The following UPK3A variants were observed in gnomAD, a reference collection of about 807,000 sequenced individuals.
The protein encoded by UPK3A is uroplakin-3a.
A neutral mutation model predicts 27.6 loss-of-function variants in UPK3A; 32 were observed. The ratio of observed to expected loss-of-function variants is 1.16; its 90% confidence interval spans 0.87 to 1.55. The LOEUF (loss-of-function observed/expected upper bound fraction) is 1.55, where lower values mean the gene tolerates loss of function less well. Ranked by LOEUF, UPK3A falls within the 40% of genes most tolerant of loss-of-function variation. The pLI, the probability that UPK3A is intolerant of heterozygous loss-of-function variation, is 0.00. For synonymous variants in UPK3A, 171 were observed against 163.9 expected (o/e 1.04, Z -0.33); for missense variants, 370 against 367.9 (o/e 1.01, Z -0.05).
rs140488862 is a variant in UPK3A, at chr22:45,293,061, G to A, written c.572-120G>A. ...AAACCTGAGAGAAGTCGCCCCACTG[G>A]GTCCCAGGGTCATCCCTGGATCCCC... is the stretch of plus-strand genomic sequence containing the variant. On this transcript the variant is annotated intron_variant, in intron 4 of 5. Transcript: ENST00000216211. The A allele has an allele frequency of 1.5e-4, 215 of 1,465,150 alleles. No individual in the cohort carries two copies. In the African/African-American group the frequency reaches 2.5e-3, roughly 17 times the overall value. The allele number at this position is 1,465,150 out of a possible 1,614,324, so 90.8% of individuals were successfully genotyped here. A position where few individuals can be genotyped will look rare whatever the true frequency, so the allele number is the denominator to read the frequency against.
Position 45,286,115 on chromosome 22 carries a change from T to A in UPK3A, c.208+19T>A. 1 of 1,613,880 alleles carries A rather than the reference T, an allele frequency of 6.2e-7. No homozygotes were observed. Among genetic ancestry groups the A allele is most frequent in the Non-Finnish European group, 8.5e-7 (1 of 1,179,898 alleles). The stretch of plus-strand genomic sequence containing the variant: ...GACTCAGGTAAGGGTCCTGCTTCCC[T>A]CTGGCTACTCCAAAAGGGGCTCTGA... On this transcript the variant is annotated intron_variant, in intron 2 of 5. Transcript: ENST00000216211.
intron 1 of UPK3A, among the ~76,000 whole-genome samples, chr22:45,285,652 G>C (rs1478476519): frequency 1.7e-5 from 2 of 119,752 alleles, no homozygotes; most frequent in African/African-American, 2.7e-5. Flanking sequence ...GAGGAAGGTG[G>C]GACGGAGGAG....
intron 5 of UPK3A, 115 bp downstream of exon 5, chr22:45,293,428 A>G (rs569533331): frequency 1.4e-6 from 2 of 1,386,448 alleles, no homozygotes; most frequent in East Asian, 4.6e-5. Context: ...AAGGCAAGGA[A>G]GCTACCCTCT....
chr22:45,295,193 A>C (rs935543770), intron 5 of UPK3A, among the ~76,000 whole-genome samples: 2 of 151,888 alleles, frequency 1.3e-5, no homozygotes, highest in Non-Finnish European at 2.9e-5. Flanking sequence ...GGGCCACGTG[A>C]GCTGCCGCCT....
chr22:45,291,764 G>A (rs920571388), intron 4 of UPK3A, among the ~76,000 whole-genome samples: 3 of 149,848 alleles, frequency 2.0e-5, no homozygotes, highest in African/African-American at 4.9e-5. Flanking sequence ...GAGTTGGTAT[G>A]CGTGGTGTGT....
At chr22:45,293,344 C>A (rs2147798092) in intron 5 of UPK3A, 31 bp downstream of exon 5, 2 of 1,612,442 alleles carry the variant, frequency 1.2e-6, no homozygotes, top group Middle Eastern at 3.3e-4. Context: ...AGGGCTGGAC[C>A]CCAGGGACAT....
In UPK3A at chr22:45,287,335, G is replaced by C; in HGVS notation, c.372G>C (p.Lys124Asn). 1 of 1,614,168 alleles carries C rather than the reference G, an allele frequency of 6.2e-7. No individual in the cohort carries two copies. ...TGGATGCCATTGGGGATGTGTCCAA[G>C]GCCTCACAGATCCTGAATGCCTACC... ...PSLDAIGDVS[K>N]ASQILNAYLV... The change falls in exon 3 of 6, where the codon AAG (lysine) becomes AAC (asparagine). Residue 124 changes from lysine to asparagine, a missense_variant. Coordinates refer to ENST00000216211, the MANE Select transcript of UPK3A (RefSeq NM_006953.4).
chr22:45,287,475 G>A, intron 3 of UPK3A, 24 bp downstream of exon 3: 1 of 1,568,640 alleles, frequency 6.4e-7, no homozygotes, highest in Non-Finnish European at 8.6e-7. Flanking sequence ...AACCACTACA[G>A]GAGAGCCGCG....
chr22:45,293,055 C>G, intron 4 of UPK3A, 126 bp from the exon 5 acceptor site: 1 of 1,406,466 alleles, frequency 7.1e-7, no homozygotes, highest in Non-Finnish European at 9.8e-7. Context: ...AGAAGTCGCC[C>G]CACTGGGTCC....
chr22:45,290,233 G>A (rs1457358109), intron 4 of UPK3A, among the ~76,000 whole-genome samples: 3 of 152,124 alleles, frequency 2.0e-5, no homozygotes, highest in Non-Finnish European at 4.4e-5. Context: ...TGGTAATTTT[G>A]GGCAAATGAT....
At chr22:45,293,390 G>T (rs2084175285) in intron 5 of UPK3A, 77 bp downstream of exon 5, 3 of 1,589,638 alleles carry the variant, frequency 1.9e-6, no homozygotes, top group East Asian at 2.2e-5. Context: ...CTCAGCAGTG[G>T]GGTCCTCCGA....
At chr22:45,289,598 A>G (rs1379931166) in intron 4 of UPK3A, among the ~76,000 whole-genome samples, 1 of 150,494 alleles carries the variant, frequency 6.6e-6, no homozygotes, top group African/African-American at 2.4e-5. Context: ...AAAAAAGAAA[A>G]AAAAAATTAG....
At position 45,287,856 on chromosome 22, in the gene UPK3A, G is replaced by C. The variant is rs144272866; in HGVS notation, c.488+405G>C. ...TTTTTGTGTTTTTAGTACAGATGGGGTTTCATCATGTTGGTCAAGCTGGTC... is the reference window on the plus strand; with the variant it reads ...TTTTTGTGTTTTTAGTACAGATGGGCTTTCATCATGTTGGTCAAGCTGGTC... On this transcript the variant is annotated intron_variant, in intron 3 of 5. Coordinates refer to ENST00000216211, the MANE Select transcript of UPK3A (RefSeq NM_006953.4). 8.5e-3 allele frequency among the ~76,000 whole-genome samples: 1,294 copies of C among 152,170 alleles called. 22 individuals are homozygous for C. Among genetic ancestry groups the C allele is most frequent in the African/African-American group, 0.03 (1,226 of 41,508 alleles).
Position 45,285,938 on chromosome 22 carries a change from C to T in UPK3A, c.53-3C>T, listed in dbSNP as rs748157391. 18 of 1,613,898 alleles carry T rather than the reference C, an allele frequency of 1.1e-5. No individual in the cohort carries two copies. The highest frequency in any genetic ancestry group is 1.5e-5 in the Non-Finnish European group (18 of 1,179,982). On this transcript the variant is annotated splice_region_variant and splice_polypyrimidine_tract_variant and intron_variant, in intron 1 of 5. Transcript: ENST00000216211. The stretch of plus-strand genomic sequence containing the variant: ...CAGTTCCCATCCTCACTGCCTCCTC[C>T]AGCTGTGAACCTGCAGCCCCAACTG...
chr22:45,287,721 G>A (rs1241088105), intron 3 of UPK3A, among the ~76,000 whole-genome samples: 1 of 152,094 alleles, frequency 6.6e-6, no homozygotes, highest in African/African-American at 2.4e-5. Flanking sequence ...GGAGTACAGT[G>A]ACACAATCTC....
At chr22:45,288,498 C>A (rs2673092) in intron 3 of UPK3A, among the ~76,000 whole-genome samples, 113,729 of 151,822 alleles carry the variant, frequency 0.75, 42,559 homozygotes, top group Admixed American at 0.79. Flanking sequence ...GCGCCCGGCC[C>A]ATTTTTGTAT....
At chr22:45,287,589 G>T in intron 3 of UPK3A, 138 bp downstream of exon 3, 2 of 1,120,196 alleles carry the variant, frequency 1.8e-6, no homozygotes, top group South Asian at 2.8e-5. Flanking sequence ...GGCAGGCCAC[G>T]CTGAGCCTCA....
At chr22:45,290,375 TG>T (rs1005252814) in intron 4 of UPK3A, among the ~76,000 whole-genome samples, 2 of 152,174 alleles carry the variant, frequency 1.3e-5, no homozygotes, top group African/African-American at 4.8e-5. Flanking sequence ...CCCAGGGGCG[TG>T]GGGGGCTCTG....
intron 1 of UPK3A, 105 bp from the exon 2 acceptor site, chr22:45,285,836 G>T (rs2084113812): frequency 2.0e-6 from 3 of 1,524,090 alleles, no homozygotes; most frequent in Non-Finnish European, 1.8e-6. Flanking sequence ...CAGGGGGAGG[G>T]TGAAGCCCAG....
Sources: allele counts gnomAD v4.1 joint callset (sites outside exome capture counted in the v4.1 genomes callset), GRCh38; gene constraint gnomAD v4.1.1; transcripts MANE v1.5; gene names NCBI Gene and HGNC (gene_info 2026-07-23, HGNC 2026-07-21).